Variants in IFNG-AS1 observed in about 807,000 individuals in gnomAD.
IFNG-AS1 encodes the protein IFNG antisense RNA 1 (non-protein coding).
At chr12:67,993,281 G>A (rs1030432139) in intron 1 of IFNG-AS1, among the ~76,000 whole-genome samples, 5 of 152,082 alleles carry the variant, frequency 3.3e-5, no homozygotes, top group Non-Finnish European at 5.9e-5. Flanking sequence ...TCTTTCACTC[G>A]GACAGGATTT....
intron 3 of IFNG-AS1, among the ~76,000 whole-genome samples, chr12:68,013,001 G>A (rs991720802): frequency 6.6e-5 from 10 of 152,178 alleles, no homozygotes; most frequent in Non-Finnish European, 1.5e-5. Context: ...GAAGACAAAA[G>A]GGGAAAGAAC....
chr12:68,011,552 G>A (rs991091364), intron 3 of IFNG-AS1, among the ~76,000 whole-genome samples: 4 of 152,204 alleles, frequency 2.6e-5, no homozygotes, highest in African/African-American at 4.8e-5. Flanking sequence ...TTGAGATGAT[G>A]TTCCAGCAAA....
chr12:68,001,696 A>T (rs929667594), intron 2 of IFNG-AS1: 2 of 152,338 alleles, frequency 1.3e-5, no homozygotes, highest in African/African-American at 4.8e-5. Flanking sequence ...GGCATAAGAC[A>T]TTAAGAAGTA....
At chr12:68,004,553 C>A (rs1316081140) in intron 2 of IFNG-AS1, among the ~76,000 whole-genome samples, 1 of 152,212 alleles carries the variant, frequency 6.6e-6, no homozygotes, top group Non-Finnish European at 1.5e-5. Context: ...TCACTCAGTC[C>A]ACATGGGTCT....
chr12:68,019,856 T>C (rs1880244945), intron 3 of IFNG-AS1: 1 of 152,160 alleles, frequency 6.6e-6, no homozygotes, highest in Non-Finnish European at 1.5e-5. Flanking sequence ...ATGTCTTTTG[T>C]TACAGGCTAG....
chr12:67,997,982 T>C (rs1217261477), intron 2 of IFNG-AS1, among the ~76,000 whole-genome samples: 1 of 152,020 alleles, frequency 6.6e-6, no homozygotes, highest in Non-Finnish European at 1.5e-5. Context: ...GGCAAAAAAA[T>C]TAAAAATATG....
intron 3 of IFNG-AS1, among the ~76,000 whole-genome samples, chr12:68,016,787 A>G (rs894609379): frequency 2.9e-4 from 44 of 152,236 alleles, no homozygotes; most frequent in African/African-American, 1.0e-3. Flanking sequence ...TCCTTGCTAA[A>G]TCCAATCGCT....
chr12:68,017,770 T>C (rs1423577769), intron 3 of IFNG-AS1, among the ~76,000 whole-genome samples: 1 of 152,194 alleles, frequency 6.6e-6, no homozygotes. Context: ...TTACATTTAA[T>C]GGCTAGTCAT....
rs965686857 is a variant in IFNG-AS1 at position 68,004,432 on chromosome 12, C to A, written n.185-1658C>A. Among the ~76,000 whole-genome samples, 13 of 152,296 alleles carry A rather than the reference C, an allele frequency of 8.5e-5. No homozygotes were observed. The East Asian group carries it at 2.1e-3, about 25-fold the overall frequency. On this transcript the variant is annotated intron_variant and non_coding_transcript_variant, in intron 2 of 5. Coordinates refer to ENST00000536914, the Ensembl canonical transcript of IFNG-AS1. ...CCCAATGCTGGATCTTCCCAGCTTG[C>A]TCTCTCTCCCCAGAGGCTGGGGCTG...
chr12:68,006,098 G>C (rs1219664927), exon 3 of IFNG-AS1: 2 of 152,134 alleles, frequency 1.3e-5, no homozygotes, highest in African/African-American at 2.4e-5. Context: ...AGCGTAAAAC[G>C]CTGGAGGAGA....
chr12:68,001,745 T>A (rs561386970), intron 2 of IFNG-AS1, among the ~76,000 whole-genome samples: 2 of 152,302 alleles, frequency 1.3e-5, no homozygotes, highest in African/African-American at 2.4e-5. Flanking sequence ...ATTCTCTGAT[T>A]TCATGGTTTG....
At chr12:67,993,140 G>A (rs1022415451) in intron 1 of IFNG-AS1, among the ~76,000 whole-genome samples, 6 of 152,116 alleles carry the variant, frequency 3.9e-5, no homozygotes, top group African/African-American at 1.4e-4. Context: ...TCAAGGTTCT[G>A]GGGCTTTTTA....
intron 2 of IFNG-AS1, among the ~76,000 whole-genome samples, chr12:67,999,172 TGATA>T (rs1409434052): frequency 3.9e-5 from 6 of 152,268 alleles, no homozygotes; most frequent in Non-Finnish European, 7.4e-5. Flanking sequence ...GAACTCGTGG[TGATA>T]GATAAATGAT....
intron 2 of IFNG-AS1, among the ~76,000 whole-genome samples, chr12:68,004,296 A>G (rs1477083103): frequency 6.6e-6 from 1 of 152,312 alleles, no homozygotes; most frequent in Admixed American, 6.5e-5. Context: ...GGGCTCCCCC[A>G]TGATGCATTT....
At chr12:68,001,224 A>G (rs1457815176) in intron 2 of IFNG-AS1, among the ~76,000 whole-genome samples, 1 of 152,226 alleles carries the variant, frequency 6.6e-6, no homozygotes, top group East Asian at 1.9e-4. Flanking sequence ...AAGTCCTCAC[A>G]TACTTGTTAC....
chr12:67,992,754 A>G (rs1879545625), intron 1 of IFNG-AS1, among the ~76,000 whole-genome samples: 1 of 152,204 alleles, frequency 6.6e-6, no homozygotes, highest in African/African-American at 2.4e-5. Context: ...CAAATTAGAC[A>G]CTGTTTTTCT....
At chr12:67,991,357 C>A in intron 1 of IFNG-AS1, among the ~76,000 whole-genome samples, 1 of 152,034 alleles carries the variant, frequency 6.6e-6, no homozygotes, top group East Asian at 1.9e-4. Context: ...CTGGGAAAGC[C>A]CCCGTGGGGT....
At chr12:68,020,790 A>C (rs1187467554) in intron 4 of IFNG-AS1, 3 of 152,202 alleles carry the variant, frequency 2.0e-5, no homozygotes, top group African/African-American at 7.2e-5. Context: ...AAGTGACAAC[A>C]AAAACAGCAA....
At chr12:67,996,176 A>C (rs1300115230) in intron 2 of IFNG-AS1, 1 of 152,230 alleles carries the variant, frequency 6.6e-6, no homozygotes, top group Non-Finnish European at 1.5e-5. Flanking sequence ...GGAATCCAAA[A>C]TTTAAAAAGT....
Sources: allele counts gnomAD v4.1 joint callset (sites outside exome capture counted in the v4.1 genomes callset), GRCh38; gene constraint gnomAD v4.1.1; transcripts MANE v1.5; gene names NCBI Gene and HGNC (gene_info 2026-07-23, HGNC 2026-07-21).